The following PCDH11X variants were observed in gnomAD, a reference collection of about 807,000 sequenced individuals.
PCDH11X encodes protocadherin-11 X-linked.
Under a neutral mutation model 53.3 loss-of-function variants are expected in PCDH11X, and 18 were observed. The observed-to-expected ratio is 0.34, with a 90% CI of 0.23 to 0.50. The LOEUF is 0.50. PCDH11X is among the 20% of genes least tolerant of loss of function. PCDH11X has a pLI of 0.98. For missense variants in PCDH11X, 570 were observed against 1,032.4 expected (o/e 0.55, Z 6.14); for synonymous variants, 279 against 393.3 (o/e 0.71, Z 3.44).
At chrX:92,126,774 A>G (rs1250154390) in intron 6 of PCDH11X, among the ~76,000 whole-genome samples, 6 of 105,809 alleles carry the variant, frequency 5.7e-5, no homozygotes, top group African/African-American at 2.1e-4. Flanking sequence ...AATTTAAAGT[A>G]TGGGAGAATC....
chrX:91,869,325 A>C (rs1939154452), intron 5 of PCDH11X, among the ~76,000 whole-genome samples: 1 of 110,987 alleles, frequency 9.0e-6, no homozygotes, highest in Non-Finnish European at 1.9e-5. Context: ...TGCCAGCATC[A>C]AAAGGACTTC....
At chrX:92,504,675 G>C (rs745643515) in intron 10 of PCDH11X, among the ~76,000 whole-genome samples, 3 of 112,207 alleles carry the variant, frequency 2.7e-5, no homozygotes, top group Non-Finnish European at 5.6e-5. Context: ...TAATGGGATT[G>C]CTGAGTCAAA....
In PCDH11X at chrX:91,878,608, A is replaced by T. The variant is rs762622739; in HGVS notation, c.2368A>T (p.Thr790Ser). 7 of 1,211,622 alleles carry T rather than the reference A, an allele frequency of 5.8e-6. No individual in the cohort carries two copies. Among genetic ancestry groups the T allele is most frequent in the Non-Finnish European group, 7.8e-6 (7 of 895,472 alleles). ...GATTAATGAACTGGTGCGCAAAAGC[A>T]CTGAAGCACCAGTGACCCCAAATAC... The part of the protein sequence containing the change: ...TLINELVRKS[T>S]EAPVTPNTEI... Residue 790 changes from threonine to serine, a missense_variant, in exon 6 of 11, where the codon ACT (threonine) becomes TCT (serine). Coordinates refer to ENST00000682573, the MANE Select transcript of PCDH11X (RefSeq NM_032968.5).
At chrX:92,017,403 G>A (rs1309425245) in intron 6 of PCDH11X, among the ~76,000 whole-genome samples, 5 of 109,180 alleles carry the variant, frequency 4.6e-5, no homozygotes, top group African/African-American at 1.7e-4. Flanking sequence ...ATTACCATAA[G>A]AGATATAATA....
chrX:92,530,929 A>G (rs1451482030), intron 10 of PCDH11X, among the ~76,000 whole-genome samples: 2 of 109,506 alleles, frequency 1.8e-5, no homozygotes, highest in African/African-American at 6.6e-5. Flanking sequence ...TCAAGTTAAT[A>G]TAATACGGTA....
At chrX:92,484,179 A>ATG (rs1491472268) in intron 10 of PCDH11X, among the ~76,000 whole-genome samples, 3 of 35,237 alleles carry the variant, frequency 8.5e-5, no homozygotes, top group African/African-American at 4.6e-4. Flanking sequence ...ATATATATGT[A>ATG]TGTATATATA....
chrX:92,350,959 G>A (rs1039846587), intron 8 of PCDH11X, among the ~76,000 whole-genome samples: 1 of 111,633 alleles, frequency 9.0e-6, no homozygotes, highest in African/African-American at 3.3e-5. Flanking sequence ...AATGAAAATT[G>A]GCATCTTCCT....
At chrX:92,102,974 C>T (rs1290078309) in intron 6 of PCDH11X, among the ~76,000 whole-genome samples, 1 of 111,242 alleles carries the variant, frequency 9.0e-6, no homozygotes, top group African/African-American at 3.3e-5. Flanking sequence ...TCAAAGCGTG[C>T]TGTGGGATGG....
intron 8 of PCDH11X, among the ~76,000 whole-genome samples, chrX:92,297,327 G>A (rs1421601487): frequency 9.8e-6 from 1 of 102,154 alleles, no homozygotes; most frequent in Non-Finnish European, 2.0e-5. Flanking sequence ...TTTTGTATAT[G>A]GTGTTAGAAA....
chrX:92,389,567 T>A (rs376769888), intron 9 of PCDH11X, among the ~76,000 whole-genome samples: 3 of 111,244 alleles, frequency 2.7e-5, no homozygotes, highest in South Asian at 3.8e-4. Flanking sequence ...AGAGTAAGCA[T>A]CCACAGTGCA....
chrX:92,407,160 C>A (rs1019374736), intron 9 of PCDH11X, among the ~76,000 whole-genome samples: 1 of 107,456 alleles, frequency 9.3e-6, no homozygotes, highest in Non-Finnish European at 1.9e-5. Flanking sequence ...TATTTATTGG[C>A]ATATGTAAGT....
At chrX:91,955,392 C>T (rs1002977924) in intron 6 of PCDH11X, among the ~76,000 whole-genome samples, 1 of 110,114 alleles carries the variant, frequency 9.1e-6, no homozygotes, top group African/African-American at 3.3e-5. Context: ...AGCATGATGC[C>T]TCCAGCTTTT....
chrX:91,864,793 T>C (rs1383607003), intron 5 of PCDH11X, among the ~76,000 whole-genome samples: 2 of 111,470 alleles, frequency 1.8e-5, no homozygotes, highest in African/African-American at 6.5e-5. Flanking sequence ...CATTCTGCCA[T>C]TAAAAGACTC....
intron 10 of PCDH11X, among the ~76,000 whole-genome samples, chrX:92,551,948 C>T: frequency 1.1e-5 from 1 of 92,596 alleles, no homozygotes; most frequent in African/African-American, 3.9e-5. Context: ...GTTACTATAG[C>T]AGTGTAGTAT....
intron 10 of PCDH11X, among the ~76,000 whole-genome samples, chrX:92,605,453 G>A (rs962866990): frequency 9.0e-6 from 1 of 110,870 alleles, no homozygotes; most frequent in Non-Finnish European, 1.9e-5. Flanking sequence ...CATTGTACTG[G>A]AGGTTTTACC....
chrX:91,882,556 C>G, intron 6 of PCDH11X, among the ~76,000 whole-genome samples: 1 of 110,315 alleles, frequency 9.1e-6, no homozygotes, highest in East Asian at 2.8e-4. Context: ...ATTTGGGGTA[C>G]ATCATTTTCC....
chrX:92,584,789 C>CTTTTTTT (rs1171667582), intron 10 of PCDH11X, among the ~76,000 whole-genome samples: 3 of 65,110 alleles, frequency 4.6e-5, no homozygotes, highest in African/African-American at 7.0e-5. Flanking sequence ...TCTTTTTTTC[C>CTTTTTTT]TTTTTTTTTT....
chrX:92,142,368 G>A (rs753467039), intron 6 of PCDH11X, among the ~76,000 whole-genome samples: 2,039 of 75,849 alleles, frequency 0.027, 41 homozygotes, highest in African/African-American at 0.082. Context: ...ATGTGCGCGC[G>A]CGCACACACA....
chrX:92,317,622 C>A (rs1295628708), intron 8 of PCDH11X, among the ~76,000 whole-genome samples: 1 of 111,052 alleles, frequency 9.0e-6, no homozygotes, highest in African/African-American at 3.3e-5. Flanking sequence ...TATTTTGAAC[C>A]AAGATTTAAA....
Sources: allele counts gnomAD v4.1 joint callset (sites outside exome capture counted in the v4.1 genomes callset), GRCh38; gene constraint gnomAD v4.1.1; transcripts MANE v1.5; gene names NCBI Gene and HGNC (gene_info 2026-07-23, HGNC 2026-07-21).